ICA1: variants seen among roughly 807,000 people sequenced by gnomAD.
ICA1 encodes 69 kDa islet cell autoantigen.
Under a neutral mutation model 71.0 loss-of-function variants are expected in ICA1, and 40 were observed. The observed-to-expected ratio is 0.56, with a 90% CI of 0.44 to 0.73. ICA1 has a LOEUF of 0.73. Ranked by LOEUF, ICA1 falls within the 30% of genes least tolerant of loss-of-function variation. The pLI is 0.00. For synonymous variants in ICA1, 207 were observed against 209.5 expected, an observed-to-expected ratio of 0.99 and a Z score of 0.10; for missense variants, 578 against 576.5, an observed-to-expected ratio of 1.00 and a Z score of -0.03.
intron 1 of ICA1, among the ~76,000 whole-genome samples, chr7:8,249,282 C>A (rs768666159): frequency 6.6e-6 from 1 of 152,122 alleles, no homozygotes; most frequent in Admixed American, 6.5e-5. Flanking sequence ...GCTGGAAGTG[C>A]GGTGGGGAGG....
At chr7:8,195,776 G>A (rs888458868) in intron 6 of ICA1, among the ~76,000 whole-genome samples, 18 of 152,034 alleles carry the variant, frequency 1.2e-4, no homozygotes, top group Non-Finnish European at 2.5e-4. Flanking sequence ...TCAGGAGTTC[G>A]AGACCAGCCT....
chr7:8,158,474 T>G, intron 7 of ICA1, 53 bp downstream of exon 7: 1 of 1,602,448 alleles, frequency 6.2e-7, no homozygotes. Flanking sequence ...ATTTTGATGT[T>G]ATTTAAACCT....
intron 1 of ICA1, among the ~76,000 whole-genome samples, chr7:8,248,674 C>A (rs533759952): frequency 6.6e-6 from 1 of 152,302 alleles, no homozygotes; most frequent in Non-Finnish European, 1.5e-5. Context: ...TGAGATCATG[C>A]CACTGCACTC....
At chr7:8,158,709 G>A in intron 6 of ICA1, 57 bp from the exon 7 acceptor site, 3 of 1,573,950 alleles carry the variant, frequency 1.9e-6, no homozygotes, top group Non-Finnish European at 2.6e-6. Flanking sequence ...GGTAAAATTT[G>A]CAGGTGAAAT....
At chr7:8,216,394 G>A (rs1488421366) in intron 6 of ICA1, among the ~76,000 whole-genome samples, 2 of 152,090 alleles carry the variant, frequency 1.3e-5, no homozygotes, top group Admixed American at 6.5e-5. Context: ...CAGCACACAT[G>A]GGATTGGGGA....
intron 1 of ICA1, among the ~76,000 whole-genome samples, chr7:8,257,719 T>A (rs890361238): frequency 1.1e-4 from 16 of 152,056 alleles, no homozygotes; most frequent in African/African-American, 3.9e-4. Context: ...TTAATATTAG[T>A]CCCCTATTTT....
intron 6 of ICA1, among the ~76,000 whole-genome samples, chr7:8,206,891 T>A (rs1051320879): frequency 1.3e-5 from 2 of 152,212 alleles, no homozygotes; most frequent in South Asian, 2.1e-4. Context: ...CCTCTTCCGA[T>A]GTGGATATTT....
At chr7:8,242,464 G>A (rs1224658338) in intron 1 of ICA1, among the ~76,000 whole-genome samples, 1 of 152,116 alleles carries the variant, frequency 6.6e-6, no homozygotes, top group Non-Finnish European at 1.5e-5. Flanking sequence ...GAGAAAGCAG[G>A]AAAGATCTAA....
Position 8,128,120 on chromosome 7 carries a change from C to T in ICA1, c.1083G>A (p.Gly361=). ...EEGACLGPVA[G]TPEPEGADKD... ...TGTCAGCACCTTCAGGTTCCGGGGT[C>T]CCTGCCACTGGTCCCAGGCAAGCTG... is the stretch of plus-strand genomic sequence containing the variant. The change falls in exon 13 of 14, where the codon GGG becomes GGA. Residue 361 remains glycine (G), a synonymous_variant. Transcript: ENST00000402384. The T allele has an allele frequency of 6.2e-7, 1 of 1,614,146 alleles. No homozygotes were observed. The highest frequency in any genetic ancestry group is 8.5e-7 in the Non-Finnish European group (1 of 1,179,994).
At chr7:8,213,850 T>G (rs532771617) in intron 6 of ICA1, among the ~76,000 whole-genome samples, 6 of 150,950 alleles carry the variant, frequency 4.0e-5, no homozygotes, top group African/African-American at 1.5e-4. Flanking sequence ...TCACCACATA[T>G]CCTTTGATAA....
chr7:8,136,450 G>A (rs1192961484), intron 12 of ICA1, among the ~76,000 whole-genome samples: 4 of 152,178 alleles, frequency 2.6e-5, no homozygotes, highest in East Asian at 1.9e-4. Flanking sequence ...ACATTTTGAA[G>A]TCAACAAATT....
chr7:8,217,790 A>G (rs1218209571), intron 6 of ICA1, among the ~76,000 whole-genome samples: 1 of 152,258 alleles, frequency 6.6e-6, no homozygotes, highest in African/African-American at 2.4e-5. Flanking sequence ...TTAAGAGCAT[A>G]GCCATCTCTT....
At chr7:8,212,281 AAG>A (rs1212705546) in intron 6 of ICA1, among the ~76,000 whole-genome samples, 21 of 152,220 alleles carry the variant, frequency 1.4e-4, no homozygotes, top group African/African-American at 5.1e-4. Flanking sequence ...AAAAAATACT[AAG>A]GCCAGGCACT....
intron 13 of ICA1, among the ~76,000 whole-genome samples, chr7:8,118,197 C>G (rs541243223): frequency 2.5e-4 from 38 of 152,312 alleles, no homozygotes; most frequent in Admixed American, 1.0e-3. Context: ...TGGCACAAAC[C>G]TCACGAACTT....
chr7:8,213,000 T>C (rs1563031392), intron 6 of ICA1, among the ~76,000 whole-genome samples: 1 of 152,168 alleles, frequency 6.6e-6, no homozygotes, highest in African/African-American at 2.4e-5. Context: ...CAGCAGGCTT[T>C]TCCTTCGGCA....
intron 5 of ICA1, chr7:8,218,781 G>A: frequency 4.3e-6 from 2 of 465,540 alleles, no homozygotes; most frequent in Non-Finnish European, 7.9e-6. Flanking sequence ...CTTGAGCCTG[G>A]GCTGAGTGCT....
intron 6 of ICA1, among the ~76,000 whole-genome samples, chr7:8,192,023 T>C (rs1287680407): frequency 4.6e-5 from 7 of 152,164 alleles, no homozygotes; most frequent in African/African-American, 1.7e-4. Context: ...TCCTAAACTG[T>C]TTAAGAGTAA....
At chr7:8,253,629 T>C (rs1044976790) in intron 1 of ICA1, among the ~76,000 whole-genome samples, 4 of 152,178 alleles carry the variant, frequency 2.6e-5, no homozygotes, top group Non-Finnish European at 5.9e-5. Context: ...CATATTTTTA[T>C]ATTTAAGTAC....
At chr7:8,206,130 C>T (rs1233462441) in intron 6 of ICA1, among the ~76,000 whole-genome samples, 2 of 152,174 alleles carry the variant, frequency 1.3e-5, no homozygotes, top group Admixed American at 6.5e-5. Flanking sequence ...TTTACTTTCT[C>T]ACCTTTTTTC....
Sources: gnomAD v4.1 joint callset for allele counts (sites outside exome capture counted in the v4.1 genomes callset) on GRCh38, gnomAD v4.1.1 for gene constraint, MANE v1.5 for transcripts, NCBI Gene and HGNC (gene_info 2026-07-23, HGNC 2026-07-21) for gene names.